Variants in LRRD1 observed in about 807,000 individuals in gnomAD.
LRRD1 encodes leucine-rich repeat and death domain-containing protein 1.
A neutral mutation model predicts 69.5 loss-of-function variants in LRRD1; 49 were observed. The ratio of observed to expected loss-of-function variants is 0.70; its 90% CI spans 0.56 to 0.89. The LOEUF (loss-of-function observed/expected upper bound fraction) is 0.89, where lower values mean the gene tolerates loss of function less well. LRRD1 is among the 40% of genes least tolerant of loss of function. LRRD1 has a pLI of 0.00. For synonymous variants in LRRD1, 303 were observed against 338.9 expected (o/e 0.89, Z 1.16); for missense variants, 853 against 956.0 (o/e 0.89, Z 1.42).
chr7:92,167,890 A>T (rs924009161), intron 1 of LRRD1, among the ~76,000 whole-genome samples: 4 of 148,196 alleles, frequency 2.7e-5, no homozygotes, highest in Admixed American at 6.7e-5. Context: ...AAAAAAAAAA[A>T]AAAAAAAAAA....
At chr7:92,151,649 A>G (rs796747861) in intron 3 of LRRD1, among the ~76,000 whole-genome samples, 73 of 152,248 alleles carry the variant, frequency 4.8e-4, no homozygotes, top group African/African-American at 1.7e-3. Context: ...TCCTAATCCA[A>G]TGTAAACCTA....
At position 92,164,450 on chromosome 7, in the gene LRRD1, A is replaced by G; in HGVS notation, c.753T>C (p.Ser251=). 1 of 1,550,292 alleles carries G rather than the reference A, an allele frequency of 6.5e-7. No homozygotes were observed. The highest frequency in any genetic ancestry group is 8.7e-7 in the Non-Finnish European group (1 of 1,146,436). The part of the protein sequence containing the change: ...FYNNYIENFP[S]DLECLGNLEI... ...CCAAGTTTCCAAGACATTCTAAGTC[A>G]GAAGGAAAATTTTCAATGTAATTGT... Residue 251 remains serine (S), a synonymous_variant, in exon 2 of 6, where the codon TCT becomes TCC. Coordinates refer to ENST00000458448, the MANE Select transcript of LRRD1 (RefSeq NM_001161528.2).
At chr7:92,150,470 A>C (rs1820437960) in intron 4 of LRRD1, 64 bp downstream of exon 4, 1 of 1,371,894 alleles carries the variant, frequency 7.3e-7, no homozygotes, top group Admixed American at 2.7e-5. Context: ...GTCTCCAAAA[A>C]TATTAAAATA....
intron 1 of LRRD1, among the ~76,000 whole-genome samples, chr7:92,166,101 C>T (rs533346910): frequency 6.6e-6 from 1 of 152,280 alleles, no homozygotes; most frequent in South Asian, 2.1e-4. Flanking sequence ...TGGATTGCAA[C>T]CTTCCTGAGA....
intron 1 of LRRD1, among the ~76,000 whole-genome samples, chr7:92,173,281 C>A (rs1421885872): frequency 6.6e-6 from 1 of 152,158 alleles, no homozygotes; most frequent in African/African-American, 2.4e-5. Context: ...GTACATTGGT[C>A]TGGCCAAAGT....
intron 1 of LRRD1, among the ~76,000 whole-genome samples, chr7:92,167,245 G>A (rs193143921): frequency 1.4e-4 from 22 of 151,918 alleles, no homozygotes; most frequent in African/African-American, 3.9e-4. Context: ...ACAGGCGCAC[G>A]CCACCACACC....
intron 3 of LRRD1, among the ~76,000 whole-genome samples, chr7:92,154,230 A>G (rs1011403321): frequency 2.6e-5 from 4 of 151,708 alleles, no homozygotes; most frequent in African/African-American, 9.7e-5. Context: ...TCCTTGCCAA[A>G]GTTTTGATTT....
At chr7:92,141,704 TAAC>T (rs1820150763), downstream of LRRD1, 1 of 152,106 alleles carries the variant, frequency 6.6e-6, no homozygotes, top group East Asian at 1.9e-4. Context: ...TGGAAAACAT[TAAC>T]AACAACCATC....
chr7:92,148,474 G>GATAT (rs71990084), intron 4 of LRRD1, among the ~76,000 whole-genome samples: 3 of 150,364 alleles, frequency 2.0e-5, no homozygotes, highest in Non-Finnish European at 4.4e-5. Context: ...TTCATGCTAT[G>GATAT]ATATATATAT....
intron 3 of LRRD1, among the ~76,000 whole-genome samples, chr7:92,155,639 G>A (rs2130994364): frequency 6.6e-6 from 1 of 152,264 alleles, no homozygotes; most frequent in East Asian, 1.9e-4. Flanking sequence ...GTTTATTAAG[G>A]AGTATTGACT....
rs1171255019 is a variant in LRRD1 at position 92,179,082 on chromosome 7, G to T, written c.-150C>A. ...GCGCGCGGTTGAGTCCAGCAATTGC[G>T]AGGACCTCCGCAGGCGCAGCCCAGC... is the stretch of plus-strand genomic sequence containing the variant. On this transcript the variant is annotated 5_prime_UTR_variant, in exon 1 of 6. Transcript: ENST00000458448. The T allele has an allele frequency of 6.6e-6, 1 of 152,242 alleles. No individual in the cohort carries two copies. Among genetic ancestry groups the T allele is most frequent in the Non-Finnish European group, 1.5e-5 (1 of 68,068 alleles). The allele number at this position is 152,242 out of a possible 1,614,324, so 9.4% of individuals were successfully genotyped here. A position where few individuals can be genotyped will look rare whatever the true frequency, so the allele number is the denominator to read the frequency against.
intron 3 of LRRD1, among the ~76,000 whole-genome samples, chr7:92,158,179 T>G (rs1385938781): frequency 6.6e-6 from 1 of 152,016 alleles, no homozygotes; most frequent in Non-Finnish European, 1.5e-5. Flanking sequence ...TTATGTCACT[T>G]CCAAGATTAG....
At chr7:92,157,609 G>A (rs370054891) in intron 3 of LRRD1, among the ~76,000 whole-genome samples, 17 of 150,012 alleles carry the variant, frequency 1.1e-4, no homozygotes, top group Middle Eastern at 6.9e-3. Context: ...TCACTCTGTC[G>A]CCCAGGCTGG....
At position 92,145,055 on chromosome 7, in the gene LRRD1, T is replaced by C. The variant is rs1820284049; in HGVS notation, c.2416A>G (p.Arg806Gly). 3 of 1,487,948 alleles carry C rather than the reference T, an allele frequency of 2.0e-6. No homozygotes were observed. The highest frequency in any genetic ancestry group is 4.2e-5 in the Admixed American group (2 of 47,612). The allele number at this position is 1,487,948 out of a possible 1,614,324, so 92.2% of individuals were successfully genotyped here. A position where few individuals can be genotyped will look rare whatever the true frequency, so the allele number is the denominator to read the frequency against. ...CATATAACAAGTGCTTGGTGGGCTC[T>C]CTCACTTAATGAAACAGTGCTGAAA... ...PTKSTVSLSE[R>G]AHQALVIWKT... Residue 806 changes from arginine (R) to glycine (G), a missense_variant, in exon 6 of 6, where the codon AGA becomes GGA. Arg to Gly is a moderately radical substitution (Grantham distance 125). This residue lies in a region of LRRD1 where 739 missense variants were observed against 808.0 expected (regional missense o/e 0.91). Transcript: ENST00000458448.
intron 4 of LRRD1, among the ~76,000 whole-genome samples, chr7:92,146,972 T>C (rs1820343257): frequency 6.6e-6 from 1 of 151,608 alleles, no homozygotes; most frequent in Admixed American, 6.6e-5. Flanking sequence ...AATTATGAAC[T>C]GAAATTTGAA....
rs373923406 is a variant in LRRD1, at chr7:92,167,064, A to G, written c.-74-1788T>C. On this transcript the variant is annotated intron_variant, in intron 1 of 5. Transcript: ENST00000458448. Reference sequence around the variant, plus strand: ...ATAAGAACATTGAGTAATATTGCTAAATACAAAGTCAACATACACAAGTCA... The same window carrying G: ...ATAAGAACATTGAGTAATATTGCTAGATACAAAGTCAACATACACAAGTCA... Among the ~76,000 whole-genome samples, 4 of 152,282 alleles carry G rather than the reference A, an allele frequency of 2.6e-5. 1 individual carries two copies.
At chr7:92,168,660 G>GAAAAAAAAAAAAAAA (rs61001338) in intron 1 of LRRD1, among the ~76,000 whole-genome samples, 1 of 96,980 alleles carries the variant, frequency 1.0e-5, no homozygotes. Flanking sequence ...ACTGAGTGGA[G>GAAAAAAAAAAAAAAA]AAAAAAAAAA....
intron 1 of LRRD1, among the ~76,000 whole-genome samples, chr7:92,177,093 A>C (rs534383243): frequency 1.3e-5 from 2 of 150,310 alleles, no homozygotes; most frequent in East Asian, 3.9e-4. Context: ...ATGGTAATGA[A>C]TATTAATACA....
At position 92,179,041 on chromosome 7, in the gene LRRD1, A is replaced by T. The variant is rs1321580682; in HGVS notation, c.-109T>A. ...CCCGCGGCGGCTGCGGCTCCTTCGC[A>T]GGACCGGTAGGGGGCGCGCGCGGTT... On this transcript the variant is annotated 5_prime_UTR_variant, in exon 1 of 6. Coordinates refer to ENST00000458448, the MANE Select transcript of LRRD1 (RefSeq NM_001161528.2). 2 of 152,388 alleles carry T rather than the reference A, an allele frequency of 1.3e-5. No homozygotes were observed. The highest frequency in any genetic ancestry group is 2.9e-5 in the Non-Finnish European group (2 of 68,176). 9.4% of individuals were successfully genotyped at this position (152,388 alleles called of 1,614,324 possible).
Sources: gnomAD v4.1 joint callset for allele counts (sites outside exome capture counted in the v4.1 genomes callset) on GRCh38, gnomAD v4.1.1 for gene constraint, gnomAD v4.1.1 regional missense constraint, MANE v1.5 for transcripts, NCBI Gene and HGNC (gene_info 2026-07-23, HGNC 2026-07-21) for gene names.